Variants in PPP1R7 observed in about 807,000 individuals in gnomAD.
PPP1R7 encodes the protein protein phosphatase 1 regulatory subunit 22.
Under a neutral mutation model 45.2 loss-of-function variants are expected in PPP1R7, and 18 were observed. That is an observed-to-expected ratio of 0.40 (90% CI 0.28 to 0.59). The LOEUF (loss-of-function observed/expected upper bound fraction) is 0.59. PPP1R7 is among the 20% of genes least tolerant of loss of function. The probability of loss-of-function intolerance (pLI) is 0.46; values close to 1 mark genes in which losing one functional copy is unlikely to be tolerated. For missense variants in PPP1R7, 314 were observed against 455.8 expected (o/e 0.69, Z 2.83); for synonymous variants, 181 against 183.4 (o/e 0.99, Z 0.11).
At position 241,153,419 on chromosome 2, in the gene PPP1R7, T is replaced by C. The variant is rs1038041960; in HGVS notation, c.53-57T>C. ...GACTTACAACCGGGTGTTTATTATA[T>C]GTTCCTCAAAGTCCCATAAAGTGGA... On this transcript the variant is annotated intron_variant, in intron 1 of 9. Coordinates refer to ENST00000234038, the MANE Select transcript of PPP1R7 (RefSeq NM_002712.3). 1.1e-5 allele frequency: 17 copies of C among 1,603,252 alleles called. No homozygotes were observed. The African/African-American group carries it at 2.3e-4, about 21-fold the overall frequency.
intron 1 of PPP1R7, among the ~76,000 whole-genome samples, chr2:241,152,186 C>T (rs1287186318): frequency 6.6e-6 from 1 of 152,218 alleles, no homozygotes; most frequent in South Asian, 2.1e-4. Context: ...CTAATTTAAC[C>T]GTGACAGCAA....
intron 9 of PPP1R7, among the ~76,000 whole-genome samples, chr2:241,174,960 C>T (rs923722028): frequency 7.9e-5 from 12 of 152,150 alleles, no homozygotes; most frequent in African/African-American, 2.9e-4. Context: ...CAGGTGTGAG[C>T]CACCGCGCCC....
Position 241,153,507 on chromosome 2 carries a change from C to T in PPP1R7, c.84C>T (p.Gly28=), listed in dbSNP as rs752989313. 47 of 1,613,998 alleles carry T rather than the reference C, an allele frequency of 2.9e-5. No individual in the cohort carries two copies. Among genetic ancestry groups the T allele is most frequent in the African/African-American group, 2.7e-5 (2 of 74,892 alleles). ...GGCGGGTCGAGTCTGAAGAATCCGG[C>T]GATGAAGAAGGGAAGAAACACAGCA... ...VDRRVESEES[G]DEEGKKHSSG... is the part of the protein sequence containing the mutation. Residue 28 remains glycine, a synonymous_variant, in exon 2 of 10, where the codon GGC becomes GGT. Coordinates refer to ENST00000234038, the MANE Select transcript of PPP1R7 (RefSeq NM_002712.3).
In PPP1R7 at chr2:241,160,413, C is replaced by T; in HGVS notation, c.516C>T (p.Val172=). 1 of 1,613,028 alleles carries T rather than the reference C, an allele frequency of 6.2e-7. No individual in the cohort carries two copies. Among genetic ancestry groups the T allele is most frequent in the African/African-American group, 1.3e-5 (1 of 74,926 alleles). ...CACGACTGAAAAAACTCTTCTTGGT[C>T]AACAATAAAATCAGTAAAATTGAGA... ...KLTRLKKLFL[V]NNKISKIENL... is the part of the protein sequence containing the mutation. The change falls in exon 6 of 10, where the codon GTC becomes GTT. Residue 172 remains valine (V), a synonymous_variant. Transcript: ENST00000234038.
chr2:241,169,982 C>G, intron 9 of PPP1R7, 115 bp downstream of exon 9: 1 of 840,386 alleles, frequency 1.2e-6, no homozygotes, highest in South Asian at 1.5e-5. Context: ...TGAGTGACTC[C>G]GCACATCATG....
Position 241,168,003 on chromosome 2 carries a change from C to T in PPP1R7, c.819+1562C>T, listed in dbSNP as rs546627355. Among the ~76,000 whole-genome samples, 495 of 152,304 alleles carry T rather than the reference C, an allele frequency of 3.3e-3. 2 individuals carry two copies. Among genetic ancestry groups the T allele is most frequent in the Admixed American group, 6.4e-3 (98 of 15,302 alleles). On this transcript the variant is annotated intron_variant, in intron 8 of 9. Transcript: ENST00000234038. Reference sequence around the variant, plus strand: ...GTCTCACGACTCCTGTCTTGTTCTTCGTGTCTTCTCCAGCTCTGGGCTCTC... The same window carrying T: ...GTCTCACGACTCCTGTCTTGTTCTTTGTGTCTTCTCCAGCTCTGGGCTCTC...
intron 9 of PPP1R7, among the ~76,000 whole-genome samples, chr2:241,176,033 T>C (rs4675989): frequency 0.47 from 71,828 of 151,978 alleles, 17,679 homozygotes; most frequent in East Asian, 0.84. Flanking sequence ...CCACCTCGGC[T>C]TCCCAAAGTG....
At chr2:241,160,228 C>A in intron 5 of PPP1R7, 104 bp from the exon 6 acceptor site, 6 of 779,644 alleles carry the variant, frequency 7.7e-6, no homozygotes, top group Admixed American at 3.3e-5. Flanking sequence ...CCGGTAGTGA[C>A]TGCCGTCCCC....
Position 241,162,831 on chromosome 2 carries a change from C to T in PPP1R7, c.598-454C>T, listed in dbSNP as rs188863073. Among the ~76,000 whole-genome samples the T allele has an allele frequency of 6.5e-3, 990 of 152,128 alleles. 12 individuals are homozygous for T. Among genetic ancestry groups the T allele is most frequent in the African/African-American group, 0.022 (917 of 41,484 alleles). On this transcript the variant is annotated intron_variant, in intron 6 of 9. Transcript: ENST00000234038. ...CGGAGTAGCTGGAACTACAGGCACC[C>T]GCCGCCACGCCCAGCTAATTTTTTT...
intron 9 of PPP1R7, among the ~76,000 whole-genome samples, chr2:241,178,324 G>T (rs2067941657): frequency 6.6e-6 from 1 of 152,076 alleles, no homozygotes; most frequent in Non-Finnish European, 1.5e-5. Flanking sequence ...GTTCCCTCTT[G>T]ATACTTTCTG....
At chr2:241,164,021 A>G (rs537147584) in intron 7 of PPP1R7, among the ~76,000 whole-genome samples, 8 of 152,024 alleles carry the variant, frequency 5.3e-5, no homozygotes, top group East Asian at 1.9e-4. Context: ...GGCTCAAGCA[A>G]TCTTCCCTCC....
chr2:241,164,052 G>T (rs2067653969), intron 7 of PPP1R7, among the ~76,000 whole-genome samples: 1 of 152,080 alleles, frequency 6.6e-6, no homozygotes, highest in South Asian at 2.1e-4. Context: ...AAGTAGCTGG[G>T]ACTGCAGGTA....
chr2:241,159,459 C>T, intron 5 of PPP1R7, 116 bp downstream of exon 5: 4 of 1,329,468 alleles, frequency 3.0e-6, no homozygotes, highest in Non-Finnish European at 4.1e-6. Context: ...CTGCCTCTGC[C>T]ACAGGGTCCT....
chr2:241,176,452 TTTTC>T (rs2149070211), intron 9 of PPP1R7, among the ~76,000 whole-genome samples: 1 of 151,518 alleles, frequency 6.6e-6, no homozygotes, highest in South Asian at 2.1e-4. Context: ...ATTAATTTTT[TTTTC>T]TTTCTTTTTT....
At chr2:241,162,515 G>A (rs576623768) in intron 6 of PPP1R7, among the ~76,000 whole-genome samples, 7 of 152,240 alleles carry the variant, frequency 4.6e-5, no homozygotes, top group African/African-American at 1.4e-4. Flanking sequence ...AGGAGCACAC[G>A]ATCACAGCAA....
chr2:241,156,232 G>A (rs1033471805), intron 2 of PPP1R7, among the ~76,000 whole-genome samples: 6 of 152,248 alleles, frequency 3.9e-5, no homozygotes, highest in Non-Finnish European at 7.3e-5. Flanking sequence ...TGACAGCCCT[G>A]TAAGGTAGTG....
At chr2:241,154,533 CAAAAAAAA>C (rs1446882050) in intron 2 of PPP1R7, among the ~76,000 whole-genome samples, 19 of 151,370 alleles carry the variant, frequency 1.3e-4, no homozygotes, top group East Asian at 7.8e-4. Context: ...ACTAAAAATA[CAAAAAAAA>C]GAAAAAAAGA....
At chr2:241,165,818 C>T (rs1276808899) in intron 7 of PPP1R7, among the ~76,000 whole-genome samples, 3 of 151,518 alleles carry the variant, frequency 2.0e-5, no homozygotes, top group Non-Finnish European at 2.9e-5. Flanking sequence ...AGGATGGTCT[C>T]GATCTCATAA....
intron 6 of PPP1R7, among the ~76,000 whole-genome samples, chr2:241,162,493 A>C (rs899884317): frequency 2.0e-5 from 3 of 152,124 alleles, no homozygotes; most frequent in African/African-American, 4.8e-5. Flanking sequence ...CTGGAGGTTT[A>C]TGGTTGAATA....
Sources: allele counts gnomAD v4.1 joint callset (sites outside exome capture counted in the v4.1 genomes callset), GRCh38; gene constraint gnomAD v4.1.1; transcripts MANE v1.5; gene names NCBI Gene and HGNC (gene_info 2026-07-23, HGNC 2026-07-21).